TM7SF3: variants seen among roughly 807,000 people sequenced by gnomAD.
TM7SF3 encodes seven span transmembrane protein.
TM7SF3 carries 60 observed loss-of-function variants against 65.5 expected under a neutral mutation model. The observed-to-expected ratio is 0.92, with a 90% CI of 0.74 to 1.14. The LOEUF is 1.14. Ranked by LOEUF, TM7SF3 falls within the 50% of genes most tolerant of loss-of-function variation. TM7SF3 has a pLI of 0.00. For synonymous variants in TM7SF3, 264 were observed against 259.6 expected, an observed-to-expected ratio of 1.02 and a Z score of -0.16; for missense variants, 623 against 684.8, an observed-to-expected ratio of 0.91 and a Z score of 1.01.
chr12:26,999,783 G>GAAA, intron 2 of TM7SF3, 107 bp from the exon 3 acceptor site: 1 of 1,018,126 alleles, frequency 9.8e-7, no homozygotes, highest in Non-Finnish European at 1.4e-6. Flanking sequence ...AAAACAAATA[G>GAAA]AAAAAAAAAA....
Position 26,996,016 on chromosome 12 carries a change from A to T in TM7SF3, c.519-608T>A, listed in dbSNP as rs575076684. Among the ~76,000 whole-genome samples the T allele has an allele frequency of 5.3e-4, 81 of 152,132 alleles. No individual in the cohort carries two copies. In the South Asian group the frequency reaches 7.3e-3, roughly 14 times the overall value. ...ACTACAGCTCTGGGGAGGCAAAAAA[A>T]TTTTTTTTAAAAAAAAGCTGGGTGC... On this transcript the variant is annotated intron_variant, in intron 4 of 11. Transcript: ENST00000343028.
At chr12:26,982,469 G>A (rs949415674) in intron 7 of TM7SF3, among the ~76,000 whole-genome samples, 16 of 152,324 alleles carry the variant, frequency 1.1e-4, no homozygotes, top group African/African-American at 3.4e-4. Context: ...GAGCCACTGA[G>A]CCCGGCCCTG....
At chr12:27,009,598 A>G (rs182011145) in intron 1 of TM7SF3, among the ~76,000 whole-genome samples, 4 of 152,248 alleles carry the variant, frequency 2.6e-5, no homozygotes, top group African/African-American at 9.6e-5. Flanking sequence ...AGGTCTTGCT[A>G]TATTGATCAG....
At chr12:26,986,520 T>C (rs967637634) in intron 6 of TM7SF3, among the ~76,000 whole-genome samples, 4 of 152,174 alleles carry the variant, frequency 2.6e-5, no homozygotes, top group African/African-American at 9.7e-5. Context: ...CAGTGGTCCC[T>C]ATGCCTATTG....
intron 1 of TM7SF3, chr12:27,013,030 C>G (rs1208490777): frequency 4.4e-6 from 1 of 226,240 alleles, no homozygotes; most frequent in East Asian, 1.4e-4. Context: ...CTGAAATCAT[C>G]AAAAATGGTG....
At chr12:27,009,770 T>C (rs1941177257) in intron 1 of TM7SF3, among the ~76,000 whole-genome samples, 1 of 152,210 alleles carries the variant, frequency 6.6e-6, no homozygotes, top group Non-Finnish European at 1.5e-5. Flanking sequence ...GTTCTCCATG[T>C]AATTCTAATG....
rs1939454225 is a variant in TM7SF3 at position 26,973,828 on chromosome 12, A to G, written c.*137T>C. 8.9e-7 allele frequency: 1 copy of G among 1,118,886 alleles called. No individual in the cohort carries two copies. The highest frequency in any genetic ancestry group is 2.4e-5 in the Admixed American group (1 of 41,170). The allele number at this position is 1,118,886 out of a possible 1,614,324, so 69.3% of individuals were successfully genotyped here. The stretch of plus-strand genomic sequence containing the variant: ...ATCCCCTAGTACACCCTTACCATAT[A>G]TCAATAAGGGCACCATAATATTATG... On this transcript the variant is annotated 3_prime_UTR_variant, in exon 12 of 12. Transcript: ENST00000343028.
At chr12:26,991,906 C>A (rs1480366603) in intron 5 of TM7SF3, among the ~76,000 whole-genome samples, 1 of 152,204 alleles carries the variant, frequency 6.6e-6, no homozygotes, top group Non-Finnish European at 1.5e-5. Flanking sequence ...TGTCCTACCA[C>A]AGTGTTTCTC....
intron 5 of TM7SF3, among the ~76,000 whole-genome samples, chr12:26,993,635 G>C (rs1162544561): frequency 1.3e-5 from 2 of 152,150 alleles, no homozygotes; most frequent in African/African-American, 4.8e-5. Context: ...ATCTAAGGAT[G>C]CTACTTAGAC....
chr12:26,975,745 C>T lies in TM7SF3; in HGVS notation c.1288-87G>A. The T allele has an allele frequency of 5.8e-6, 8 of 1,383,784 alleles. No individual in the cohort carries two copies. In the South Asian group the frequency reaches 1.1e-4, roughly 19 times the overall value. 85.7% of individuals were successfully genotyped at this position (1,383,784 alleles called of 1,614,324 possible). On this transcript the variant is annotated intron_variant, in intron 10 of 11. Transcript: ENST00000343028. The stretch of plus-strand genomic sequence containing the variant: ...TCCACTGGCTTCAATCACAGGCAAT[C>T]ACATCTGCTCCCTCAGGCATGAAAA...
chr12:27,012,875 G>A (rs1941299349), intron 1 of TM7SF3: 1 of 370,128 alleles, frequency 2.7e-6, no homozygotes, highest in Non-Finnish European at 5.3e-6. Flanking sequence ...GCGGGCGCCT[G>A]TAATCCCAGC....
At position 26,991,180 on chromosome 12, in the gene TM7SF3, C is replaced by G. The variant is rs992979135; in HGVS notation, c.691-553G>C. Among the ~76,000 whole-genome samples the G allele has an allele frequency of 3.8e-5, 5 of 130,008 alleles. No homozygotes were observed. In the South Asian group the frequency reaches 9.9e-4, roughly 26 times the overall value. 85.3% of individuals were successfully genotyped at this position (130,008 alleles called of 152,430 possible). ...TTTTTTTTTGAGACGGAGTCTCGCTCTGTCGCCCAGGCCGGACTGCGGACT... is the reference window on the plus strand; with the variant it reads ...TTTTTTTTTGAGACGGAGTCTCGCTGTGTCGCCCAGGCCGGACTGCGGACT... On this transcript the variant is annotated intron_variant, in intron 5 of 11. Transcript: ENST00000343028.
intron 2 of TM7SF3, among the ~76,000 whole-genome samples, chr12:27,002,169 T>C (rs1014751589): frequency 1.8e-4 from 27 of 152,086 alleles, no homozygotes; most frequent in Non-Finnish European, 5.9e-5. Context: ...ATGCCTCTAA[T>C]ATTATATATG....
chr12:26,976,309 GA>G lies in TM7SF3; in HGVS notation c.1237del (p.Ser413LeufsTer3). 6.2e-7 allele frequency: 1 copy of G among 1,614,032 alleles called. No individual in the cohort carries two copies. The highest frequency in any genetic ancestry group is 1.1e-5 in the South Asian group (1 of 91,068). Reference sequence around the variant, plus strand: ...TACTGGAATGAGGATAGCTATGCAAGAGAAAGTGACCCAGAATACACCATCA... The same window carrying G: ...TACTGGAATGAGGATAGCTATGCAAGGAAAGTGACCCAGAATACACCATCA... ...HDDGVFWVTF[S>X]CIAILIPVVF... On this transcript the variant is annotated frameshift_variant, in exon 10 of 12. Transcript: ENST00000343028. LOFTEE classifies it high-confidence loss of function.
chr12:26,997,478 C>G (rs1592300971), intron 3 of TM7SF3, among the ~76,000 whole-genome samples: 1 of 152,184 alleles, frequency 6.6e-6, no homozygotes, highest in East Asian at 1.9e-4. Context: ...TGAAGCTCCT[C>G]TGTTCATAAT....
intron 1 of TM7SF3, among the ~76,000 whole-genome samples, chr12:27,007,879 G>A (rs1284136542): frequency 1.3e-5 from 2 of 152,128 alleles, no homozygotes; most frequent in African/African-American, 4.8e-5. Context: ...TTATGTTTGT[G>A]CAATTCATTC....
intron 6 of TM7SF3, among the ~76,000 whole-genome samples, chr12:26,987,335 C>A (rs570969387): frequency 1.3e-5 from 2 of 152,302 alleles, no homozygotes; most frequent in Admixed American, 1.3e-4. Context: ...TCTCCTCCAA[C>A]AGTGCTTCCC....
rs577549787 is a variant in TM7SF3 at position 27,013,800 on chromosome 12, G to T, written c.91+278C>A. Among the ~76,000 whole-genome samples, 166 of 152,312 alleles carry T rather than the reference G, an allele frequency of 1.1e-3. 1 individual carries two copies. The highest frequency in any genetic ancestry group is 2.1e-3 in the Non-Finnish European group (144 of 68,026). On this transcript the variant is annotated intron_variant, in intron 1 of 11. Transcript: ENST00000343028. Reference sequence around the variant, plus strand: ...TTGAATTAAAGCCACAAACATGGCTGCTCCCTAAGGGAGATAATACTGTGT... The same window carrying T: ...TTGAATTAAAGCCACAAACATGGCTTCTCCCTAAGGGAGATAATACTGTGT...
At chr12:26,980,291 C>T in intron 8 of TM7SF3, 1 of 529,260 alleles carries the variant, frequency 1.9e-6, no homozygotes, top group South Asian at 2.5e-5. Flanking sequence ...TTGTACATCT[C>T]ATATCTTCAA....
Sources: gnomAD v4.1 joint callset for allele counts (sites outside exome capture counted in the v4.1 genomes callset) on GRCh38, gnomAD v4.1.1 for gene constraint, MANE v1.5 for transcripts, NCBI Gene and HGNC (gene_info 2026-07-23, HGNC 2026-07-21) for gene names.